Variants in DDX10 observed in about 807,000 individuals in gnomAD.
DDX10 encodes the protein probable ATP-dependent RNA helicase DDX10.
A neutral mutation model predicts 104.3 loss-of-function variants in DDX10; 74 were observed. The observed-to-expected ratio is 0.71, with a 90% CI of 0.59 to 0.86. The LOEUF is 0.86. DDX10 is among the 40% of genes least tolerant of loss of function. DDX10 has a pLI of 0.00. For synonymous variants in DDX10, 351 were observed against 353.4 expected (o/e 0.99, Z 0.08); for missense variants, 952 against 1,040.0 (o/e 0.92, Z 1.16).
At chr11:108,677,056 A>C (rs746230082) in intron 3 of DDX10, 29 bp from the exon 4 acceptor site, 2 of 1,584,032 alleles carry the variant, frequency 1.3e-6, no homozygotes, top group Admixed American at 3.4e-5. Flanking sequence ...CTGATGACTT[A>C]CTGAACATGA....
At chr11:108,668,763 G>GTA (rs2094213282) in intron 1 of DDX10, among the ~76,000 whole-genome samples, 1 of 152,172 alleles carries the variant, frequency 6.6e-6, no homozygotes, top group Non-Finnish European at 1.5e-5. Flanking sequence ...ACCTGGGCAT[G>GTA]TAGGGGTTGA....
At chr11:108,840,405 A>T (rs1056575566) in intron 14 of DDX10, among the ~76,000 whole-genome samples, 2 of 148,950 alleles carry the variant, frequency 1.3e-5, no homozygotes, top group Non-Finnish European at 3.0e-5. Flanking sequence ...CTGGCAACTA[A>T]TTATTAGATA....
chr11:108,862,548 C>T (rs1378421143), intron 16 of DDX10, among the ~76,000 whole-genome samples: 3 of 152,174 alleles, frequency 2.0e-5, no homozygotes, highest in Non-Finnish European at 4.4e-5. Context: ...TTAAAATCCC[C>T]TTGTTCCAAG....
At chr11:108,798,749 C>T (rs1861979963) in intron 13 of DDX10, among the ~76,000 whole-genome samples, 1 of 151,976 alleles carries the variant, frequency 6.6e-6, no homozygotes, top group African/African-American at 2.4e-5. Context: ...CTACAGGTTG[C>T]AGGGTGGGGT....
At chr11:108,781,881 A>G (rs2094378562) in intron 13 of DDX10, among the ~76,000 whole-genome samples, 1 of 152,138 alleles carries the variant, frequency 6.6e-6, no homozygotes, top group Non-Finnish European at 1.5e-5. Flanking sequence ...GGTGTTAAAA[A>G]TGCTTCTTCT....
At chr11:108,838,671 C>T in intron 14 of DDX10, 106 bp downstream of exon 14, 1 of 1,280,018 alleles carries the variant, frequency 7.8e-7, no homozygotes, top group Non-Finnish European at 1.1e-6. Flanking sequence ...TGTTTCTCTA[C>T]AGCATGCTGG....
In DDX10 at chr11:108,860,293, T is replaced by C. The variant is rs181854738; in HGVS notation, c.2304+8084T>C. 6.3e-3 allele frequency among the ~76,000 whole-genome samples: 963 copies of C among 152,332 alleles called. 32 individuals are homozygous for C. The highest frequency in any genetic ancestry group is 0.054 in the Admixed American group (821 of 15,310). ...TTAAGATTAACAAAATATGAACTTA[T>C]TTGTTTTGCTAAATTCAGAGTACTT... On this transcript the variant is annotated intron_variant, in intron 16 of 17. Transcript: ENST00000322536.
intron 9 of DDX10, among the ~76,000 whole-genome samples, chr11:108,697,985 G>A (rs2094262266): frequency 6.6e-6 from 1 of 152,120 alleles, no homozygotes; most frequent in African/African-American, 2.4e-5. Flanking sequence ...TTCTAATTTA[G>A]CCTTATGTGC....
At chr11:108,768,446 T>C (rs76154312) in intron 13 of DDX10, among the ~76,000 whole-genome samples, 4,741 of 152,332 alleles carry the variant, frequency 0.031, 197 homozygotes, top group East Asian at 0.22. Context: ...CGTTTGTTAT[T>C]ATATACAATA....
Position 108,798,071 on chromosome 11 carries a change from A to G in DDX10, c.1966-40375A>G, listed in dbSNP as rs145529024. Among the ~76,000 whole-genome samples the G allele has an allele frequency of 2.6e-3, 390 of 152,182 alleles. 1 individual carries two copies. The highest frequency in any genetic ancestry group is 8.9e-3 in the African/African-American group (368 of 41,538). ...CTCCCTATTTTCTGCTCTCACTTCC[A>G]TTTATTTTCATATATTGCGTACACA... On this transcript the variant is annotated intron_variant, in intron 13 of 17. Coordinates refer to ENST00000322536, the MANE Select transcript of DDX10 (RefSeq NM_004398.4).
chr11:108,775,118 C>G (rs2094368226), intron 13 of DDX10, among the ~76,000 whole-genome samples: 1 of 152,116 alleles, frequency 6.6e-6, no homozygotes, highest in Non-Finnish European at 1.5e-5. Context: ...GTTGGTATTG[C>G]CAAATGCATC....
intron 17 of DDX10, among the ~76,000 whole-genome samples, chr11:108,926,158 G>T (rs1249184355): frequency 4.6e-5 from 7 of 151,792 alleles, no homozygotes; most frequent in Admixed American, 4.6e-4. Flanking sequence ...TTTTAAATCT[G>T]GGAGAAGAGA....
chr11:108,672,666 C>G (rs1440819496), intron 1 of DDX10, among the ~76,000 whole-genome samples: 1 of 152,186 alleles, frequency 6.6e-6, no homozygotes, highest in African/African-American at 2.4e-5. Context: ...ATGAACCATA[C>G]AAATGCAGCT....
At chr11:108,728,501 G>A (rs1007433056) in intron 13 of DDX10, among the ~76,000 whole-genome samples, 1 of 66,884 alleles carries the variant, frequency 1.5e-5, no homozygotes, top group African/African-American at 8.0e-5. Flanking sequence ...ATACACATTT[G>A]TTCTTTTTTT....
intron 13 of DDX10, among the ~76,000 whole-genome samples, chr11:108,787,452 C>T (rs1290738343): frequency 6.7e-6 from 1 of 148,258 alleles, no homozygotes; most frequent in Non-Finnish European, 1.5e-5. Flanking sequence ...GTTGCTTACA[C>T]TCTCTCCTTC....
At chr11:108,745,100 C>T (rs1198927888) in intron 13 of DDX10, among the ~76,000 whole-genome samples, 1 of 112,748 alleles carries the variant, frequency 8.9e-6, no homozygotes, top group Non-Finnish European at 1.8e-5. Context: ...TCTTCCTCCC[C>T]TCCCCCTCCC....
chr11:108,869,755 A>C (rs1378776880), intron 16 of DDX10, among the ~76,000 whole-genome samples: 1 of 152,106 alleles, frequency 6.6e-6, no homozygotes, highest in Non-Finnish European at 1.5e-5. Context: ...TTAAGATTTT[A>C]ACTGAAATTT....
chr11:108,728,161 A>T (rs1217909969), intron 13 of DDX10, among the ~76,000 whole-genome samples: 1 of 152,202 alleles, frequency 6.6e-6, no homozygotes, highest in Non-Finnish European at 1.5e-5. Flanking sequence ...TTAAATGCTC[A>T]TTCTAAGAAA....
At chr11:108,745,561 A>G (rs1051363819) in intron 13 of DDX10, among the ~76,000 whole-genome samples, 2 of 152,082 alleles carry the variant, frequency 1.3e-5, no homozygotes, top group African/African-American at 4.8e-5. Flanking sequence ...TTTACGTTTT[A>G]ATGTTATCCA....
Sources: gnomAD v4.1 joint callset for allele counts (sites outside exome capture counted in the v4.1 genomes callset) on GRCh38, gnomAD v4.1.1 for gene constraint, MANE v1.5 for transcripts, NCBI Gene and HGNC (gene_info 2026-07-23, HGNC 2026-07-21) for gene names.